Variants in KITLG observed in about 807,000 individuals in gnomAD.
KITLG encodes the protein c-Kit ligand.
KITLG carries 13 observed loss-of-function variants against 34.1 expected under a neutral mutation model. That is an observed-to-expected ratio of 0.38 (90% CI 0.25 to 0.61). KITLG has a LOEUF of 0.61. KITLG is among the 20% of genes least tolerant of loss of function. The probability of loss-of-function intolerance (pLI) is 0.60; values close to 1 mark genes in which losing one functional copy is unlikely to be tolerated. For missense variants in KITLG, 292 were observed against 318.9 expected (o/e 0.92, Z 0.64); for synonymous variants, 110 against 104.0 (o/e 1.06, Z -0.35).
chr12:88,580,210 C>A, intron 1 of KITLG, 54 bp downstream of exon 1: 3 of 1,575,282 alleles, frequency 1.9e-6, no homozygotes, highest in Non-Finnish European at 1.7e-6. Flanking sequence ...CCCCGGGGCA[C>A]CGGGCGCGAT....
intron 6 of KITLG, among the ~76,000 whole-genome samples, chr12:88,509,264 GTTC>G (rs1869185516): frequency 1.3e-5 from 2 of 152,150 alleles, no homozygotes; most frequent in African/African-American, 2.4e-5. Flanking sequence ...CAAACACCAT[GTTC>G]TTCTTGTTCT....
chr12:88,555,094 AG>A (rs1699428321), intron 1 of KITLG, among the ~76,000 whole-genome samples: 1 of 152,184 alleles, frequency 6.6e-6, no homozygotes, highest in Non-Finnish European at 1.5e-5. Context: ...ACTAGAAAGA[AG>A]TTGCTTAATA....
chr12:88,569,913 T>C (rs1871588617), intron 1 of KITLG, among the ~76,000 whole-genome samples: 1 of 152,130 alleles, frequency 6.6e-6, no homozygotes, highest in Non-Finnish European at 1.5e-5. Flanking sequence ...TGCAGTTGGA[T>C]TGATAAGAAA....
rs529080054 is a variant in KITLG at position 88,574,802 on chromosome 12, A to C, written c.15+5462T>G. On this transcript the variant is annotated intron_variant, in intron 1 of 9. Transcript: ENST00000644744. ...TTATCTCCTCTGGTTAGCTGACTTTATCTTAGAATTCTTTTTCATAGAACT... is the reference window on the plus strand; with the variant it reads ...TTATCTCCTCTGGTTAGCTGACTTTCTCTTAGAATTCTTTTTCATAGAACT... 2.0e-5 allele frequency among the ~76,000 whole-genome samples: 3 copies of C among 152,334 alleles called. No individual in the cohort carries two copies. The South Asian group carries it at 6.2e-4, about 32-fold the overall frequency.
Position 88,560,955 on chromosome 12 carries a change from G to A in KITLG, c.16-15090C>T, listed in dbSNP as rs1260971866. On this transcript the variant is annotated intron_variant, in intron 1 of 9. Coordinates refer to ENST00000644744, the MANE Select transcript of KITLG (RefSeq NM_000899.5). The stretch of plus-strand genomic sequence containing the variant: ...TGCACTCAAGCCTGGGTAACAAAGC[G>A]AGACTCTGTCTCAAAAAAAAAAAAA... 3.0e-4 allele frequency among the ~76,000 whole-genome samples: 33 copies of A among 111,754 alleles called. 1 individual carries two copies. Among genetic ancestry groups the A allele is most frequent in the Admixed American group, 1.4e-3 (11 of 7,972 alleles). 73.3% of individuals were successfully genotyped at this position (111,754 alleles called of 152,430 possible).
intron 3 of KITLG, among the ~76,000 whole-genome samples, chr12:88,528,624 A>G (rs1016785217): frequency 5.9e-5 from 9 of 152,370 alleles, no homozygotes; most frequent in African/African-American, 1.7e-4. Flanking sequence ...TATCCTTCAC[A>G]TAGGAAATAC....
At chr12:88,573,677 A>G (rs1338033093) in intron 1 of KITLG, among the ~76,000 whole-genome samples, 1 of 152,194 alleles carries the variant, frequency 6.6e-6, no homozygotes. Context: ...CAGTATGGGC[A>G]TACAAGACAA....
intron 2 of KITLG, among the ~76,000 whole-genome samples, chr12:88,538,385 CTG>C (rs1451737987): frequency 6.6e-6 from 1 of 151,706 alleles, no homozygotes; most frequent in Non-Finnish European, 1.5e-5. Context: ...AGCATCATCT[CTG>C]TGGAAGTTCT....
chr12:88,520,308 T>C (rs542938940), intron 3 of KITLG, among the ~76,000 whole-genome samples: 25 of 152,232 alleles, frequency 1.6e-4, no homozygotes, highest in Non-Finnish European at 2.8e-4. Flanking sequence ...CAGTCTTTCC[T>C]TGGATGCTGA....
chr12:88,508,721 CT>C (rs1869162285), intron 6 of KITLG, among the ~76,000 whole-genome samples: 1 of 152,116 alleles, frequency 6.6e-6, no homozygotes, highest in African/African-American at 2.4e-5. Context: ...ACCCCACATC[CT>C]ATAGCCCCAT....
intron 9 of KITLG, among the ~76,000 whole-genome samples, chr12:88,503,624 C>A (rs1402599376): frequency 1.3e-5 from 2 of 152,172 alleles, no homozygotes; most frequent in East Asian, 3.8e-4. Context: ...TGTGGGTCTT[C>A]CCGCAACAGT....
intron 1 of KITLG, among the ~76,000 whole-genome samples, chr12:88,572,451 C>T (rs1871682631): frequency 1.3e-5 from 2 of 150,940 alleles, no homozygotes; most frequent in Admixed American, 6.6e-5. Flanking sequence ...AAAAAAGGTA[C>T]ATTATTTTTA....
At chr12:88,574,832 A>C (rs951838795) in intron 1 of KITLG, among the ~76,000 whole-genome samples, 5 of 152,200 alleles carry the variant, frequency 3.3e-5, no homozygotes, top group Admixed American at 6.5e-5. Flanking sequence ...AGAACTTAAA[A>C]ATTTAGAACA....
At chr12:88,502,183 T>C (rs1868887706) in intron 9 of KITLG, among the ~76,000 whole-genome samples, 1 of 152,210 alleles carries the variant, frequency 6.6e-6, no homozygotes, top group Non-Finnish European at 1.5e-5. Context: ...CTATTTCCCA[T>C]TGACTACTGA....
At chr12:88,511,933 T>C (rs939359721) in intron 6 of KITLG, among the ~76,000 whole-genome samples, 2 of 152,170 alleles carry the variant, frequency 1.3e-5, no homozygotes, top group Non-Finnish European at 2.9e-5. Context: ...CACAATTCAA[T>C]AGCCTCTAAA....
chr12:88,500,138 C>T (rs770920078), intron 9 of KITLG, among the ~76,000 whole-genome samples: 5 of 152,216 alleles, frequency 3.3e-5, no homozygotes, highest in Non-Finnish European at 7.3e-5. Flanking sequence ...ACTGTCCAAA[C>T]TGACCCTTGA....
intron 2 of KITLG, among the ~76,000 whole-genome samples, chr12:88,542,360 G>A (rs1336042805): frequency 1.3e-5 from 2 of 152,080 alleles, no homozygotes; most frequent in Non-Finnish European, 2.9e-5. Context: ...TATTGATCAT[G>A]TCCATGTTCC....
intron 3 of KITLG, among the ~76,000 whole-genome samples, chr12:88,525,289 T>C (rs886842344): frequency 6.6e-6 from 1 of 152,214 alleles, no homozygotes; most frequent in Non-Finnish European, 1.5e-5. Flanking sequence ...GGTGACATGC[T>C]ATTCTTTAGT....
At chr12:88,532,191 C>A (rs1045532253) in intron 3 of KITLG, among the ~76,000 whole-genome samples, 3 of 151,726 alleles carry the variant, frequency 2.0e-5, no homozygotes, top group African/African-American at 7.3e-5. Context: ...GTCCTGGAAC[C>A]AATTTCCTAA....
Sources: allele counts gnomAD v4.1 joint callset (sites outside exome capture counted in the v4.1 genomes callset), GRCh38; gene constraint gnomAD v4.1.1; transcripts MANE v1.5; gene names NCBI Gene and HGNC (gene_info 2026-07-23, HGNC 2026-07-21).